Variants in GUF1 observed in about 807,000 individuals in gnomAD.
GUF1 encodes translation factor GUF1, mitochondrial.
Under a neutral mutation model 82.4 loss-of-function variants are expected in GUF1, and 78 were observed. The observed-to-expected ratio is 0.95, with a 90% CI of 0.79 to 1.14. The LOEUF (loss-of-function observed/expected upper bound fraction) is 1.14. Ranked by LOEUF, GUF1 falls within the 50% of genes most tolerant of loss-of-function variation. The probability of loss-of-function intolerance (pLI) is 0.00; values close to 1 mark genes in which losing one functional copy is unlikely to be tolerated. For missense variants in GUF1, 814 were observed against 798.2 expected, an observed-to-expected ratio of 1.02 and a Z score of -0.24; for synonymous variants, 279 against 282.3, an observed-to-expected ratio of 0.99 and a Z score of 0.12.
chr4:44,691,643 C>A (rs1385273727), intron 12 of GUF1, 23 bp from the exon 13 acceptor site: 3 of 1,572,126 alleles, frequency 1.9e-6, no homozygotes, highest in South Asian at 2.3e-5. Context: ...TCATTAAACC[C>A]ATTTTCTTCC....
intron 12 of GUF1, 69 bp downstream of exon 12, chr4:44,690,929 G>T (rs1342908033): frequency 8.5e-7 from 1 of 1,173,326 alleles, no homozygotes; most frequent in South Asian, 1.8e-5. Flanking sequence ...TCCAACTCAG[G>T]TTTTAAAAGA....
rs750301455 is a variant in GUF1 at position 44,683,244 on chromosome 4, A to G, written c.595A>G (p.Lys199Glu). ...ATTTTTTTTTTTAAAGATAGATCTG[A>G]AGAATGCTGATCCTGAAAGGGTTGA... The part of the protein sequence containing the change: ...VIPVINKIDL[K>E]NADPERVENQ... Residue 199 changes from lysine (K) to glutamate (E), a missense_variant, in exon 6 of 17, where the codon AAG becomes GAG. Physicochemically the swap from Lys to Glu is moderately conservative, Grantham distance 56. Transcript: ENST00000281543. 1.3e-6 allele frequency: 2 copies of G among 1,570,936 alleles called. No individual in the cohort carries two copies. The highest frequency in any genetic ancestry group is 1.2e-5 in the South Asian group (1 of 84,860).
In GUF1 at chr4:44,683,304, G is replaced by T. The variant is rs796052183; in HGVS notation, c.655G>T (p.Asp219Tyr). 1 of 1,571,230 alleles carries T rather than the reference G, an allele frequency of 6.4e-7. No homozygotes were observed. Among genetic ancestry groups the T allele is most frequent in the East Asian group, 2.3e-5 (1 of 43,338 alleles). Residue 219 changes from aspartate to tyrosine, a missense_variant, in exon 6 of 17, where the codon GAT becomes TAT. Coordinates refer to ENST00000281543, the MANE Select transcript of GUF1 (RefSeq NM_021927.3). ...TGAGAAAGTGTTTGATATTCCAAGT[G>T]ATGAATGTATTAAGGTAAAATACGT... ...QIEKVFDIPS[D>Y]ECIKISAKLG...
At chr4:44,678,904 T>C in intron 1 of GUF1, 117 bp downstream of exon 1, 2 of 1,048,232 alleles carry the variant, frequency 1.9e-6, no homozygotes, top group Non-Finnish European at 2.7e-6. Context: ...TGCAACTTGG[T>C]ACAGGGAGGC....
intron 2 of GUF1, 36 bp downstream of exon 2, chr4:44,680,588 G>T: frequency 6.8e-7 from 1 of 1,473,692 alleles, no homozygotes; most frequent in Non-Finnish European, 9.3e-7. Flanking sequence ...ACTGATGGCT[G>T]CGAGTTATTG....
chr4:44,695,804 T>C (rs187333661), intron 15 of GUF1, 70 bp downstream of exon 15: 308 of 1,463,872 alleles, frequency 2.1e-4, no homozygotes, highest in Admixed American at 1.7e-3. Flanking sequence ...GAAAGAATAT[T>C]GAACATTTTA....
In GUF1 at chr4:44,694,506, G is replaced by C; in HGVS notation, c.1708G>C (p.Val570Leu). 1 of 1,530,916 alleles carries C rather than the reference G, an allele frequency of 6.5e-7. No homozygotes were observed. Among genetic ancestry groups the C allele is most frequent in the Non-Finnish European group, 9.0e-7 (1 of 1,110,042 alleles). 94.8% of individuals were successfully genotyped at this position (1,530,916 alleles called of 1,614,324 possible). The change falls in exon 14 of 17, where the codon GTA becomes CTA. Residue 570 changes from valine (V) to leucine (L), a missense_variant. Coordinates refer to ENST00000281543, the MANE Select transcript of GUF1 (RefSeq NM_021927.3). ...GNTVEELVTV[V>L]HKDKAHSIGK... is the part of the protein sequence containing the mutation. ...TACTGTAGAGGAGCTAGTAACTGTT[G>C]TACACAAGTAAGTTCAATAGAAACT...
Position 44,686,726 on chromosome 4 carries a change from C to T in GUF1, c.938+13C>T. The stretch of plus-strand genomic sequence containing the variant: ...CAACTCATAAATTGTAAGTAATCTG[C>T]ATTAGTAAAATTAAAATGCATTTGT... On this transcript the variant is annotated intron_variant, in intron 8 of 16. Transcript: ENST00000281543. 2 of 1,537,770 alleles carry T rather than the reference C, an allele frequency of 1.3e-6. No individual in the cohort carries two copies. Among genetic ancestry groups the T allele is most frequent in the Non-Finnish European group, 1.8e-6 (2 of 1,112,030 alleles).
intron 9 of GUF1, among the ~76,000 whole-genome samples, chr4:44,689,060 T>C (rs1426904175): frequency 6.6e-6 from 1 of 151,900 alleles, no homozygotes; most frequent in Non-Finnish European, 1.5e-5. Context: ...AAAACATTAT[T>C]TGGAGTGCAA....
In GUF1 at chr4:44,685,975, G is replaced by T; in HGVS notation, c.686G>T (p.Gly229Val). 1 of 1,604,916 alleles carries T rather than the reference G, an allele frequency of 6.2e-7. No individual in the cohort carries two copies. The highest frequency in any genetic ancestry group is 1.1e-5 in the South Asian group (1 of 90,798). Residue 229 changes from glycine to valine, a missense_variant, in exon 7 of 17, where the codon GGA becomes GTA. Gly to Val is a moderately radical substitution (Grantham distance 109). Coordinates refer to ENST00000281543, the MANE Select transcript of GUF1 (RefSeq NM_021927.3). ...TCTTTTTAGATTTCTGCTAAACTTG[G>T]AACAAATGTTGAGAGTGTTCTTCAG... is the stretch of plus-strand genomic sequence containing the variant. ...DECIKISAKL[G>V]TNVESVLQAI...
chr4:44,685,812 T>C (rs1715012098), intron 6 of GUF1, 147 bp from the exon 7 acceptor site: 2 of 562,856 alleles, frequency 3.6e-6, no homozygotes, highest in Admixed American at 6.3e-5. Context: ...ATATACTGTT[T>C]GCTTTGTTCT....
intron 16 of GUF1, among the ~76,000 whole-genome samples, chr4:44,698,244 G>C (rs964054327): frequency 6.6e-6 from 1 of 152,092 alleles, no homozygotes; most frequent in Non-Finnish European, 1.5e-5. Flanking sequence ...ACCTATATTA[G>C]ACTGTGGCTT....
At chr4:44,691,099 G>A (rs988459094) in intron 12 of GUF1, among the ~76,000 whole-genome samples, 2 of 151,484 alleles carry the variant, frequency 1.3e-5, no homozygotes, top group African/African-American at 4.8e-5. Context: ...TTAGCCCAAA[G>A]GAAAGAAATT....
intron 5 of GUF1, 58 bp downstream of exon 5, chr4:44,682,469 T>A (rs1370464402): frequency 1.1e-6 from 1 of 893,652 alleles, no homozygotes; most frequent in Non-Finnish European, 1.7e-6. Flanking sequence ...CAATTAATGT[T>A]TAAATGTCAG....
rs1297038533 is a variant in GUF1 at position 44,685,953 on chromosome 4, T to C, written c.670-6T>C. Reference sequence around the variant, plus strand: ...ATGCTTATATTTTTCACATGTATCTTTTTAGATTTCTGCTAAACTTGGAAC... The same window carrying C: ...ATGCTTATATTTTTCACATGTATCTCTTTAGATTTCTGCTAAACTTGGAAC... On this transcript the variant is annotated splice_region_variant and splice_polypyrimidine_tract_variant and intron_variant, in intron 6 of 16. Transcript: ENST00000281543. The C allele has an allele frequency of 1.9e-6, 3 of 1,586,892 alleles. No homozygotes were observed. The South Asian group carries it at 3.3e-5, about 18-fold the overall frequency.
intron 12 of GUF1, among the ~76,000 whole-genome samples, chr4:44,691,372 C>A (rs938282658): frequency 2.0e-5 from 3 of 151,716 alleles, no homozygotes; most frequent in African/African-American, 7.2e-5. Flanking sequence ...TTGGTCTTAA[C>A]TTTTAATTTC....
chr4:44,695,135 C>T (rs904150639), intron 14 of GUF1, among the ~76,000 whole-genome samples: 3 of 152,080 alleles, frequency 2.0e-5, no homozygotes, highest in Non-Finnish European at 2.9e-5. Context: ...AAAGGAAAAC[C>T]CCCACGTGTT....
intron 5 of GUF1, chr4:44,682,613 G>A (rs1439313664): frequency 2.2e-5 from 7 of 317,856 alleles, no homozygotes; most frequent in Admixed American, 5.0e-5. Flanking sequence ...TAGTTCTCCT[G>A]AATTAACTTG....
intron 4 of GUF1, among the ~76,000 whole-genome samples, chr4:44,681,656 C>T (rs1293912237): frequency 1.3e-5 from 2 of 151,932 alleles, no homozygotes; most frequent in African/African-American, 2.4e-5. Flanking sequence ...TTGTGTAAGC[C>T]GTAAAGACAC....
Sources: gnomAD v4.1 joint callset for allele counts (sites outside exome capture counted in the v4.1 genomes callset) on GRCh38, gnomAD v4.1.1 for gene constraint, MANE v1.5 for transcripts, NCBI Gene and HGNC (gene_info 2026-07-23, HGNC 2026-07-21) for gene names.